The following COP1 variants were observed in gnomAD, a reference collection of about 807,000 sequenced individuals.
COP1 encodes the protein E3 ubiquitin-protein ligase COP1.
In COP1, 24 loss-of-function variants were observed where a neutral mutation model predicts 101.3. That is an observed-to-expected ratio of 0.24 (90% CI 0.17 to 0.33). COP1 has a LOEUF of 0.33. COP1 is among the 10% of genes least tolerant of loss of function. COP1 has a pLI of 1.00. For synonymous variants in COP1, 347 were observed against 341.9 expected (o/e 1.01, Z -0.17); for missense variants, 663 against 906.2 (o/e 0.73, Z 3.45).
chr1:175,950,215 A>C (rs760725685), intron 18 of COP1, among the ~76,000 whole-genome samples: 1 of 103,068 alleles, frequency 9.7e-6, no homozygotes. Flanking sequence ...TTTATGTGTT[A>C]AAAAAAAAAA....
At chr1:176,178,306 A>G (rs1200014649) in intron 2 of COP1, among the ~76,000 whole-genome samples, 2 of 151,540 alleles carry the variant, frequency 1.3e-5, no homozygotes, top group Admixed American at 1.3e-4. Context: ...TTAAATCAGC[A>G]GCCTGGGCAA....
chr1:176,175,828 A>G lies in COP1; in HGVS notation c.565+82T>C, dbSNP rs558639244. On this transcript the variant is annotated intron_variant, in intron 3 of 19. Coordinates refer to ENST00000367669, the MANE Select transcript of COP1 (RefSeq NM_022457.7). ...AGAGAGACTTGCTTACCACTAAGGT[A>G]GGTTTTCTGAATAAATTAGCGCTAG... is the stretch of plus-strand genomic sequence containing the variant. 2.4e-5 allele frequency: 17 copies of G among 719,996 alleles called. 1 individual carries two copies. The highest frequency in any genetic ancestry group is 2.1e-4 in the African/African-American group (12 of 56,916). The allele number at this position is 719,996 out of a possible 1,614,324, so 44.6% of individuals were successfully genotyped here.
At position 176,207,231 on chromosome 1, in the gene COP1, TCCCTGTAGCAGCCAA is replaced by T. The variant is rs1156313210; in HGVS notation, c.-268_-254del. ...GTCGAGGCCGCCGCCGCCACCGCGG[TCCCTGTAGCAGCCAA>T]CCCCGGCGCGCCGTGGCCGGCCGTG... On this transcript the variant is annotated 5_prime_UTR_variant, in exon 1 of 20. Coordinates refer to ENST00000367669, the MANE Select transcript of COP1 (RefSeq NM_022457.7). The T allele has an allele frequency of 2.5e-6, 1 of 399,608 alleles. No homozygotes were observed. The highest frequency in any genetic ancestry group is 2.1e-5 in the African/African-American group (1 of 48,422). The allele number at this position is 399,608 out of a possible 1,614,324, so 24.8% of individuals were successfully genotyped here. A position where few individuals can be genotyped will look rare whatever the true frequency, so the allele number is the denominator to read the frequency against.
intron 3 of COP1, among the ~76,000 whole-genome samples, chr1:176,175,380 A>C (rs1207718839): frequency 6.6e-6 from 1 of 152,228 alleles, no homozygotes; most frequent in African/African-American, 2.4e-5. Flanking sequence ...GACTGGTTTC[A>C]TAGAGAACAA....
chr1:176,073,902 G>A (rs1265128577), intron 11 of COP1, among the ~76,000 whole-genome samples: 1 of 152,140 alleles, frequency 6.6e-6, no homozygotes, highest in Non-Finnish European at 1.5e-5. Context: ...ACAAAATAAT[G>A]CACCAAATTC....
intron 11 of COP1, among the ~76,000 whole-genome samples, chr1:176,058,175 C>T (rs1275293207): frequency 7.9e-4 from 14 of 17,754 alleles, no homozygotes; most frequent in African/African-American, 9.5e-4. Flanking sequence ...CCGCCCCGCC[C>T]GGTAGGGAGG....
At chr1:176,157,368 C>G (rs892582498) in intron 5 of COP1, among the ~76,000 whole-genome samples, 1 of 152,136 alleles carries the variant, frequency 6.6e-6, no homozygotes, top group African/African-American at 2.4e-5. Context: ...TAAACACATG[C>G]AAATTGAGCT....
intron 2 of COP1, among the ~76,000 whole-genome samples, chr1:176,180,810 T>A (rs1401298863): frequency 6.6e-6 from 1 of 152,166 alleles, no homozygotes; most frequent in Non-Finnish European, 1.5e-5. Flanking sequence ...TTACATCTAA[T>A]AACCAGGTGT....
At chr1:175,951,437 A>AACATATAT (rs1320545568) in intron 18 of COP1, among the ~76,000 whole-genome samples, 1 of 108,016 alleles carries the variant, frequency 9.3e-6, no homozygotes, top group Admixed American at 8.9e-5. Context: ...AAGATACGTG[A>AACATATAT]ATATATATAT....
intron 15 of COP1, among the ~76,000 whole-genome samples, chr1:176,012,781 T>C (rs1476642648): frequency 6.6e-6 from 1 of 152,204 alleles, no homozygotes; most frequent in Non-Finnish European, 1.5e-5. Flanking sequence ...AGTAGCAAGC[T>C]ATACAGGTTT....
In COP1 at chr1:176,162,994, A is replaced by C; in HGVS notation, c.643-6T>G. 6.3e-7 allele frequency: 1 copy of C among 1,590,120 alleles called. No individual in the cohort carries two copies. Among genetic ancestry groups the C allele is most frequent in the Non-Finnish European group, 8.5e-7 (1 of 1,171,580 alleles). ...ATCTGCCACCTGTGGCCATTCTAAA[A>C]ATGAAGAAAGAAGAAACACAACAAC... On this transcript the variant is annotated splice_polypyrimidine_tract_variant and splice_region_variant and intron_variant, in intron 4 of 19. Coordinates refer to ENST00000367669, the MANE Select transcript of COP1 (RefSeq NM_022457.7).
intron 16 of COP1, 74 bp from the exon 17 acceptor site, chr1:175,988,486 CAATGCAGTTTGCTGGTTAAG>C (rs1448991401): frequency 4.4e-5 from 61 of 1,375,474 alleles, no homozygotes; most frequent in Non-Finnish European, 3.9e-6. Context: ...TAATTAGAGG[CAATGCAGTTTGCTGGTTAAG>C]AATGCAGGCT....
chr1:176,206,638 G>A lies in COP1; in HGVS notation c.341C>T (p.Pro114Leu). The stretch of plus-strand genomic sequence containing the variant: ...CCCGTTGCAGAGGGGGGCGAGGAGA[G>A]GTCGCTTCCTGCTGCCGCTGCCTAG... ...SSLGSGSRKR[P>L]LLAPLCNGLI... is the part of the protein sequence containing the mutation. Residue 114 changes from proline to leucine, a missense_variant, in exon 1 of 20, where the codon CCT (proline) becomes CTT (leucine). Physicochemically the swap from Pro to Leu is moderately conservative, Grantham distance 98. Transcript: ENST00000367669. 1 of 1,612,044 alleles carries A rather than the reference G, an allele frequency of 6.2e-7. No homozygotes were observed. Among genetic ancestry groups the A allele is most frequent in the South Asian group, 1.1e-5 (1 of 91,080 alleles).
At chr1:176,131,008 C>T (rs1454112571) in intron 8 of COP1, among the ~76,000 whole-genome samples, 2 of 151,702 alleles carry the variant, frequency 1.3e-5, no homozygotes, top group Non-Finnish European at 3.0e-5. Flanking sequence ...GGTTTGGGGT[C>T]TTTGGGGATA....
At chr1:176,043,308 G>A in intron 13 of COP1, 41 bp from the exon 14 acceptor site, 1 of 1,202,242 alleles carries the variant, frequency 8.3e-7, no homozygotes, top group Non-Finnish European at 1.2e-6. Flanking sequence ...ATAGAATACA[G>A]ATCTCAAAAT....
chr1:176,046,194 T>C lies in COP1; in HGVS notation c.1408A>G (p.Asn470Asp). 6.2e-7 allele frequency: 1 copy of C among 1,602,158 alleles called. No individual in the cohort carries two copies. Among genetic ancestry groups the C allele is most frequent in the South Asian group, 1.1e-5 (1 of 88,336 alleles). ...IHYPENEMTC[N>D]SKISCISWSS... ...TAATGTAAATACCTGATTTTCGAAT[T>C]GCAGGTCATTTCATTCTCAGGGTAA... Residue 470 changes from asparagine to aspartate, a missense_variant, in exon 12 of 20, where the codon AAT (asparagine) becomes GAT (aspartate). Asn to Asp is a conservative substitution (Grantham distance 23). Transcript: ENST00000367669.
intron 5 of COP1, among the ~76,000 whole-genome samples, chr1:176,155,629 A>G (rs182693438): frequency 9.2e-5 from 14 of 152,064 alleles, no homozygotes; most frequent in African/African-American, 3.1e-4. Context: ...GCTGCCAAAA[A>G]ACAAAATAAA....
intron 4 of COP1, 23 bp from the exon 5 acceptor site, chr1:176,163,011 C>T (rs1694566838): frequency 1.3e-6 from 2 of 1,590,152 alleles, no homozygotes. Flanking sequence ...AAAGAAGAAA[C>T]ACAACAACTT....
At chr1:175,968,761 C>T (rs4347169) in intron 18 of COP1, among the ~76,000 whole-genome samples, 1 of 152,176 alleles carries the variant, frequency 6.6e-6, no homozygotes, top group East Asian at 1.9e-4. Flanking sequence ...AGATACAAAA[C>T]AACACATACA....
Sources: allele counts gnomAD v4.1 joint callset (sites outside exome capture counted in the v4.1 genomes callset), GRCh38; gene constraint gnomAD v4.1.1; transcripts MANE v1.5; gene names NCBI Gene and HGNC (gene_info 2026-07-23, HGNC 2026-07-21).